The following EGFLAM variants were observed in gnomAD, a reference collection of about 807,000 sequenced individuals.
EGFLAM encodes the protein EGF like, fibronectin type III and laminin G domains.
In EGFLAM, 79 loss-of-function variants were observed where a neutral mutation model predicts 113.1. The observed-to-expected ratio is 0.70, with a 90% CI of 0.58 to 0.84. EGFLAM has a LOEUF of 0.84. Ranked by LOEUF, EGFLAM falls within the 40% of genes least tolerant of loss-of-function variation. EGFLAM has a pLI of 0.00. For missense variants in EGFLAM, 1,265 were observed against 1,291.6 expected, an observed-to-expected ratio of 0.98 and a Z score of 0.32; for synonymous variants, 504 against 487.6, an observed-to-expected ratio of 1.03 and a Z score of -0.44.
intron 18 of EGFLAM, among the ~76,000 whole-genome samples, chr5:38,449,878 T>C (rs1162015391): frequency 1.3e-5 from 2 of 152,252 alleles, no homozygotes; most frequent in Admixed American, 6.5e-5. Context: ...CTTGGGTTGA[T>C]TAATTAAGAG....
intron 1 of EGFLAM, among the ~76,000 whole-genome samples, chr5:38,291,185 A>C (rs776492631): frequency 5.9e-5 from 9 of 152,212 alleles, no homozygotes; most frequent in Non-Finnish European, 1.2e-4. Context: ...CTTTTTCTGG[A>C]TTAGACTGTA....
intron 19 of EGFLAM, 106 bp from the exon 20 acceptor site, chr5:38,458,203 ACT>A: frequency 2.2e-6 from 2 of 927,216 alleles, no homozygotes; most frequent in Non-Finnish European, 3.2e-6. Flanking sequence ...AGGAAACTGC[ACT>A]CTGAGTTGCA....
At chr5:38,389,922 T>C (rs1477458711) in intron 6 of EGFLAM, among the ~76,000 whole-genome samples, 1 of 152,222 alleles carries the variant, frequency 6.6e-6, no homozygotes, top group African/African-American at 2.4e-5. Context: ...TAGGTATGGA[T>C]TTTTATTCTC....
chr5:38,381,005 A>G (rs11949735), intron 6 of EGFLAM, among the ~76,000 whole-genome samples: 4,736 of 152,296 alleles, frequency 0.031, 263 homozygotes, highest in African/African-American at 0.11. Flanking sequence ...CTGATATTTC[A>G]TGGCCTCAGA....
intron 1 of EGFLAM, among the ~76,000 whole-genome samples, chr5:38,310,550 TA>T (rs1738406234): frequency 6.6e-6 from 1 of 152,178 alleles, no homozygotes; most frequent in African/African-American, 2.4e-5. Flanking sequence ...TCTTCCCTCC[TA>T]CCTTCTTCAT....
At chr5:38,412,800 A>T in intron 11 of EGFLAM, 152 bp downstream of exon 11, 4 of 1,260,246 alleles carry the variant, frequency 3.2e-6, no homozygotes, top group Middle Eastern at 2.8e-4. Flanking sequence ...AACCCATGCA[A>T]CAGACCTTTG....
intron 5 of EGFLAM, among the ~76,000 whole-genome samples, chr5:38,368,862 GA>G (rs1050503809): frequency 2.8e-4 from 41 of 146,852 alleles, no homozygotes; most frequent in African/African-American, 7.7e-4. Flanking sequence ...CTCTGTCAAA[GA>G]AAAAAAAAAG....
chr5:38,388,982 A>G (rs1013516991), intron 6 of EGFLAM, among the ~76,000 whole-genome samples: 12 of 151,892 alleles, frequency 7.9e-5, no homozygotes, highest in East Asian at 5.8e-4. Context: ...TTTTTTCTGG[A>G]TACATAAGAA....
intron 10 of EGFLAM, among the ~76,000 whole-genome samples, chr5:38,411,144 T>C (rs899850533): frequency 6.6e-6 from 1 of 152,080 alleles, no homozygotes; most frequent in African/African-American, 2.4e-5. Flanking sequence ...CAAAAGAAAA[T>C]GGGAGCTGGT....
rs1739256072 is a variant in EGFLAM, at chr5:38,338,682, T to C, written c.208-16T>C. On this transcript the variant is annotated splice_polypyrimidine_tract_variant and intron_variant, in intron 2 of 21. Transcript: ENST00000322350. ...CACGGGCTCTGCTCTCACCAGGGTG[T>C]CTGCATCTTTTCAAGGTCTTTTACT... 1 of 1,613,486 alleles carries C rather than the reference T, an allele frequency of 6.2e-7. No individual in the cohort carries two copies. The highest frequency in any genetic ancestry group is 8.5e-7 in the Non-Finnish European group (1 of 1,179,492).
intron 4 of EGFLAM, among the ~76,000 whole-genome samples, chr5:38,350,868 G>A (rs1256935587): frequency 1.3e-5 from 2 of 152,178 alleles, no homozygotes; most frequent in African/African-American, 2.4e-5. Flanking sequence ...CAACACAGGG[G>A]TAAGGGAAGA....
At chr5:38,382,152 A>G (rs1740526173) in intron 6 of EGFLAM, among the ~76,000 whole-genome samples, 1 of 152,248 alleles carries the variant, frequency 6.6e-6, no homozygotes, top group Non-Finnish European at 1.5e-5. Flanking sequence ...AAAAGGTCAA[A>G]ATGAAAATTA....
chr5:38,313,319 G>T (rs1053511490), intron 1 of EGFLAM, among the ~76,000 whole-genome samples: 1 of 152,014 alleles, frequency 6.6e-6, no homozygotes, highest in South Asian at 2.1e-4. Flanking sequence ...TAACAAAAAC[G>T]TTTCCATGTG....
At chr5:38,419,418 A>G (rs1056469561) in intron 12 of EGFLAM, among the ~76,000 whole-genome samples, 2 of 152,044 alleles carry the variant, frequency 1.3e-5, no homozygotes, top group Non-Finnish European at 2.9e-5. Flanking sequence ...TCCTCCTTGA[A>G]TCTCTTTTCC....
intron 1 of EGFLAM, among the ~76,000 whole-genome samples, chr5:38,275,083 A>G (rs924295171): frequency 6.6e-6 from 1 of 152,200 alleles, no homozygotes; most frequent in African/African-American, 2.4e-5. Flanking sequence ...AGCAAAACCT[A>G]TAATATACAC....
intron 1 of EGFLAM, among the ~76,000 whole-genome samples, chr5:38,285,192 C>T (rs1758126030): frequency 6.6e-6 from 1 of 152,102 alleles, no homozygotes; most frequent in Admixed American, 6.6e-5. Context: ...CTTGGTAATC[C>T]TTCAAGCACA....
At chr5:38,422,648 A>G (rs925390645) in intron 12 of EGFLAM, among the ~76,000 whole-genome samples, 3 of 152,258 alleles carry the variant, frequency 2.0e-5, no homozygotes, top group Non-Finnish European at 4.4e-5. Flanking sequence ...TATTAAGAAC[A>G]GAATTATTTA....
In EGFLAM at chr5:38,458,406, C is replaced by T; in HGVS notation, c.2771+12C>T. 1 of 1,613,184 alleles carries T rather than the reference C, an allele frequency of 6.2e-7. No individual in the cohort carries two copies. Among genetic ancestry groups the T allele is most frequent in the East Asian group, 2.2e-5 (1 of 44,852 alleles). On this transcript the variant is annotated intron_variant, in intron 20 of 21. Coordinates refer to ENST00000322350, the MANE Select transcript of EGFLAM (RefSeq NM_152403.4). The stretch of plus-strand genomic sequence containing the variant: ...GTTAAGGCCGTTAGGTGAGTCCCTC[C>T]CGCAGCATGAGGCAGAGCCAGAGCT...
At chr5:38,411,777 C>T (rs1249288745) in intron 10 of EGFLAM, among the ~76,000 whole-genome samples, 1 of 151,488 alleles carries the variant, frequency 6.6e-6, no homozygotes, top group Admixed American at 6.6e-5. Flanking sequence ...GCCACTGTGC[C>T]CAGCTTTTTA....
Sources: allele counts gnomAD v4.1 joint callset (sites outside exome capture counted in the v4.1 genomes callset), GRCh38; gene constraint gnomAD v4.1.1; transcripts MANE v1.5; gene names NCBI Gene and HGNC (gene_info 2026-07-23, HGNC 2026-07-21).